Variants in CTDSPL2 observed in about 807,000 individuals in gnomAD.
CTDSPL2 encodes CTD small phosphatase like 2, also known as CTD small phosphatase-like protein 2.
A neutral mutation model predicts 60.0 loss-of-function variants in CTDSPL2; 5 were observed. That is an observed-to-expected ratio of 0.08 (90% CI 0.04 to 0.18). The LOEUF (loss-of-function observed/expected upper bound fraction) is 0.18, where lower values mean the gene tolerates loss of function less well. CTDSPL2 is among the 10% of genes least tolerant of loss of function. CTDSPL2 has a pLI of 1.00. For missense variants in CTDSPL2, 370 were observed against 548.8 expected (o/e 0.67, Z 3.26); for synonymous variants, 186 against 189.3 (o/e 0.98, Z 0.14).
At chr15:44,487,327 C>T (rs576799263) in intron 4 of CTDSPL2, among the ~76,000 whole-genome samples, 6 of 152,176 alleles carry the variant, frequency 3.9e-5, no homozygotes, top group African/African-American at 9.6e-5. Context: ...TGGTAGTGCA[C>T]GCCTGTAGTC....
chr15:44,459,031 G>A lies in CTDSPL2; in HGVS notation c.17G>A (p.Arg6Gln). The A allele has an allele frequency of 1.3e-6, 2 of 1,582,358 alleles. No individual in the cohort carries two copies. Among genetic ancestry groups the A allele is most frequent in the South Asian group, 1.2e-5 (1 of 85,760 alleles). Residue 6 changes from arginine (R) to glutamine (Q), a missense_variant, in exon 2 of 13, where the codon CGG (arginine) becomes CAG (glutamine). By Grantham distance (43) the Arg-to-Gln change is conservative (BLOSUM62 1). Coordinates refer to ENST00000260327, the MANE Select transcript of CTDSPL2 (RefSeq NM_016396.3). ...CCATAAAAGATGAGGCTGAGAACAC[G>A]GAAAGCTTCTCAGCAGTCAAATCAA... MRLRT[R>Q]KASQQSNQIQ...
chr15:44,439,533 A>T (rs1350971392), intron 1 of CTDSPL2, among the ~76,000 whole-genome samples: 18 of 138,886 alleles, frequency 1.3e-4, no homozygotes, highest in Non-Finnish European at 2.0e-4. Flanking sequence ...CTGTATTTTT[A>T]TGTTTTTTTT....
At chr15:44,501,813 T>C (rs1194555498) in intron 8 of CTDSPL2, 1 of 335,974 alleles carries the variant, frequency 3.0e-6, no homozygotes, top group African/African-American at 2.2e-5. Context: ...CCGTAGTTAA[T>C]ATTGGGTACA....
At chr15:44,453,885 T>C (rs1405637298) in intron 1 of CTDSPL2, among the ~76,000 whole-genome samples, 2 of 152,190 alleles carry the variant, frequency 1.3e-5, no homozygotes, top group Admixed American at 6.5e-5. Flanking sequence ...GCAGTAAACA[T>C]ACGTGTGCAT....
At chr15:44,491,407 A>T (rs1260693348) in intron 5 of CTDSPL2, among the ~76,000 whole-genome samples, 4 of 152,074 alleles carry the variant, frequency 2.6e-5, no homozygotes, top group Non-Finnish European at 4.4e-5. Flanking sequence ...CCCCCCAAAA[A>T]CTGCTTCTGT....
chr15:44,473,027 G>T (rs2080842855), intron 2 of CTDSPL2, among the ~76,000 whole-genome samples: 1 of 151,972 alleles, frequency 6.6e-6, no homozygotes, highest in Non-Finnish European at 1.5e-5. Context: ...AAACTCCTGG[G>T]CTTAAGAGAT....
At chr15:44,519,515 A>G (rs945373492) in intron 11 of CTDSPL2, 5 of 385,016 alleles carry the variant, frequency 1.3e-5, no homozygotes, top group Non-Finnish European at 2.3e-5. Context: ...AAACCTGAGT[A>G]AGAAAACTAT....
At chr15:44,450,732 A>C (rs1453678570) in intron 1 of CTDSPL2, among the ~76,000 whole-genome samples, 3 of 150,634 alleles carry the variant, frequency 2.0e-5, no homozygotes, top group African/African-American at 2.4e-5. Context: ...AGTAGCTGAG[A>C]TTACAGGCGC....
rs1300752008 is a variant in CTDSPL2, at chr15:44,524,263, T to C, written c.*89T>C. On this transcript the variant is annotated 3_prime_UTR_variant, in exon 13 of 13. Coordinates refer to ENST00000260327, the MANE Select transcript of CTDSPL2 (RefSeq NM_016396.3). Reference sequence around the variant, plus strand: ...AAACATTGCCATTACTGTTGAAATTTTGCATTTTTGTACCCCGTCTTGCTT... The same window carrying C: ...AAACATTGCCATTACTGTTGAAATTCTGCATTTTTGTACCCCGTCTTGCTT... 8.3e-6 allele frequency: 9 copies of C among 1,085,878 alleles called. No individual in the cohort carries two copies. The highest frequency in any genetic ancestry group is 1.1e-5 in the Non-Finnish European group (8 of 714,124). The allele number at this position is 1,085,878 out of a possible 1,614,324, so 67.3% of individuals were successfully genotyped here.
intron 1 of CTDSPL2, among the ~76,000 whole-genome samples, chr15:44,445,166 T>G (rs539609244): frequency 2.0e-5 from 3 of 151,334 alleles, no homozygotes; most frequent in Non-Finnish European, 4.4e-5. Context: ...ATTATTTGTA[T>G]AATAGGTTAG....
At chr15:44,428,907 A>G (rs1428426589) in intron 1 of CTDSPL2, among the ~76,000 whole-genome samples, 3 of 152,088 alleles carry the variant, frequency 2.0e-5, no homozygotes, top group African/African-American at 7.2e-5. Flanking sequence ...ATTGCAGACC[A>G]ATTGTTCATA....
intron 1 of CTDSPL2, among the ~76,000 whole-genome samples, chr15:44,431,716 G>GTTTTTT (rs886785067): frequency 7.5e-6 from 1 of 133,628 alleles, no homozygotes; most frequent in Admixed American, 7.5e-5. Context: ...TTGTTTGTTT[G>GTTTTTT]TTTTTTTTTT....
intron 1 of CTDSPL2, among the ~76,000 whole-genome samples, chr15:44,443,027 C>A (rs150417784): frequency 6.6e-6 from 1 of 151,960 alleles, no homozygotes; most frequent in Non-Finnish European, 1.5e-5. Flanking sequence ...TTATCTCTTA[C>A]TCTTTTGGAA....
chr15:44,521,255 C>T, intron 11 of CTDSPL2, 56 bp from the exon 12 acceptor site: 1 of 875,774 alleles, frequency 1.1e-6, no homozygotes, highest in Non-Finnish European at 1.8e-6. Flanking sequence ...TTAACTTTTT[C>T]CAAACTAGGT....
In CTDSPL2 at chr15:44,453,927, T is replaced by C. The variant is rs1223993188; in HGVS notation, c.-24-5064T>C. On this transcript the variant is annotated intron_variant, in intron 1 of 12. Transcript: ENST00000260327. The stretch of plus-strand genomic sequence containing the variant: ...TTATAGCAGCATGATTTATAATCCT[T>C]TGGGTATTTACCCAGTAATGGGATA... Among the ~76,000 whole-genome samples, 13 of 152,214 alleles carry C rather than the reference T, an allele frequency of 8.5e-5. 1 individual carries two copies. Among genetic ancestry groups the C allele is most frequent in the Admixed American group, 7.9e-4 (12 of 15,280 alleles).
chr15:44,470,191 T>TA (rs1595730409), intron 2 of CTDSPL2, among the ~76,000 whole-genome samples: 4 of 151,640 alleles, frequency 2.6e-5, no homozygotes, highest in Admixed American at 6.6e-5. Context: ...AGAGGGATGT[T>TA]AAAATCACTT....
chr15:44,513,194 G>A (rs1022525900), intron 8 of CTDSPL2, among the ~76,000 whole-genome samples: 6 of 151,182 alleles, frequency 4.0e-5, no homozygotes, highest in Non-Finnish European at 1.5e-5. Flanking sequence ...GGCCTGGCTT[G>A]GTGGCTCACG....
chr15:44,524,041 A>G, intron 12 of CTDSPL2, 68 bp from the exon 13 acceptor site: 1 of 1,205,354 alleles, frequency 8.3e-7, no homozygotes, highest in Non-Finnish European at 1.2e-6. Flanking sequence ...CAAGGTAAGA[A>G]TGTATGTTAT....
intron 1 of CTDSPL2, among the ~76,000 whole-genome samples, chr15:44,450,589 ATTTT>A (rs36016079): frequency 2.1e-4 from 19 of 88,700 alleles, no homozygotes; most frequent in African/African-American, 8.1e-4. Flanking sequence ...TATATTCTTA[ATTTT>A]TTTTTTTTTT....
Sources: allele counts gnomAD v4.1 joint callset (sites outside exome capture counted in the v4.1 genomes callset), GRCh38; gene constraint gnomAD v4.1.1; transcripts MANE v1.5; gene names NCBI Gene and HGNC (gene_info 2026-07-23, HGNC 2026-07-21).